PCDH15: variants seen among roughly 807,000 people sequenced by gnomAD.
PCDH15 encodes protocadherin related 15, also known as protocadherin-15.
PCDH15 carries 129 observed loss-of-function variants against 178.5 expected under a neutral mutation model. That is an observed-to-expected ratio of 0.72 (90% confidence interval 0.63 to 0.84). The LOEUF is 0.84. PCDH15 is among the 40% of genes least tolerant of loss of function. The probability of loss-of-function intolerance (pLI) is 0.00; values close to 1 mark genes in which losing one functional copy is unlikely to be tolerated. For synonymous variants in PCDH15, 800 were observed against 732.0 expected (o/e 1.09, Z -1.50); for missense variants, 2,230 against 2,099.9 (o/e 1.06, Z -1.21).
At chr10:54,502,975 G>A (rs932971988) in intron 3 of PCDH15, among the ~76,000 whole-genome samples, 1 of 151,600 alleles carries the variant, frequency 6.6e-6, no homozygotes, top group Admixed American at 6.6e-5. Flanking sequence ...TTCCCTTCAT[G>A]GGTTTATGCT....
chr10:54,439,650 T>C (rs2075672824), intron 3 of PCDH15, among the ~76,000 whole-genome samples: 1 of 152,098 alleles, frequency 6.6e-6, no homozygotes, highest in Non-Finnish European at 1.5e-5. Context: ...CTGTTCTTTA[T>C]TTTTCAATAA....
chr10:54,577,668 T>C (rs2090625707), intron 2 of PCDH15, among the ~76,000 whole-genome samples: 1 of 152,040 alleles, frequency 6.6e-6, no homozygotes, highest in Admixed American at 6.6e-5. Context: ...TAATAATTAA[T>C]TTACTGGTTA....
At chr10:54,035,357 C>T (rs1314891399) in intron 18 of PCDH15, among the ~76,000 whole-genome samples, 2 of 151,874 alleles carry the variant, frequency 1.3e-5, no homozygotes, top group African/African-American at 4.8e-5. Context: ...AGCGTGTGCT[C>T]ATTTCATGTC....
At chr10:54,264,942 C>T (rs2132363250) in intron 8 of PCDH15, among the ~76,000 whole-genome samples, 1 of 151,958 alleles carries the variant, frequency 6.6e-6, no homozygotes, top group South Asian at 2.1e-4. Context: ...ACAGCCATCC[C>T]CAAGACACAT....
intron 2 of PCDH15, chr10:54,606,961 A>G (rs910154083): frequency 3.3e-5 from 5 of 152,100 alleles, no homozygotes; most frequent in Non-Finnish European, 1.5e-5. Context: ...AGAATTCCCT[A>G]GAGTCATAAA....
intron 2 of PCDH15, among the ~76,000 whole-genome samples, chr10:54,988,312 C>T (rs1401811580): frequency 6.6e-6 from 1 of 152,070 alleles, no homozygotes; most frequent in Admixed American, 6.5e-5. Flanking sequence ...AGCATGATGC[C>T]TCCAGTAGAG....
intron 2 of PCDH15, among the ~76,000 whole-genome samples, chr10:55,442,250 G>T (rs1257759245): frequency 1.3e-5 from 2 of 151,610 alleles, no homozygotes; most frequent in Non-Finnish European, 2.9e-5. Context: ...TATACTGGCA[G>T]ATTTTTAAGA....
At chr10:54,331,385 G>T (rs557557148) in intron 6 of PCDH15, among the ~76,000 whole-genome samples, 129 of 151,748 alleles carry the variant, frequency 8.5e-4, no homozygotes, top group African/African-American at 2.9e-3. Context: ...CATGTAATGG[G>T]CCTTGCAAAT....
intron 1 of PCDH15, among the ~76,000 whole-genome samples, chr10:55,177,884 C>T (rs559713476): frequency 6.6e-6 from 1 of 152,138 alleles, no homozygotes; most frequent in Admixed American, 6.5e-5. Context: ...TTTTATAGAA[C>T]AAGAGATCCA....
chr10:54,383,996 T>C (rs1200754092), intron 3 of PCDH15, among the ~76,000 whole-genome samples: 2 of 3,546 alleles, frequency 5.6e-4, no homozygotes, highest in African/African-American at 1.0e-3. Context: ...TTTTTTTTTT[T>C]TTTTTTTTTT....
intron 2 of PCDH15, among the ~76,000 whole-genome samples, chr10:55,041,823 T>A (rs2131977859): frequency 6.6e-6 from 1 of 152,276 alleles, no homozygotes; most frequent in East Asian, 1.9e-4. Context: ...ATCATTTTTC[T>A]TTTTTTAACT....
chr10:55,480,021 T>C (rs1840144141), intron 2 of PCDH15, among the ~76,000 whole-genome samples: 1 of 131,290 alleles, frequency 7.6e-6, no homozygotes, highest in East Asian at 2.7e-4. Flanking sequence ...TAATAGTTTC[T>C]TCCAGTCTGT....
At chr10:54,068,681 G>C (rs11004036) in intron 17 of PCDH15, among the ~76,000 whole-genome samples, 32,257 of 152,024 alleles carry the variant, frequency 0.21, 3,624 homozygotes, top group Non-Finnish European at 0.25. Flanking sequence ...TAGAATACGG[G>C]TCACTTTGAA....
At chr10:54,571,849 C>A (rs537242368) in intron 2 of PCDH15, among the ~76,000 whole-genome samples, 2 of 152,204 alleles carry the variant, frequency 1.3e-5, no homozygotes, top group African/African-American at 4.8e-5. Flanking sequence ...TGTTCCAATT[C>A]TATACATCAA....
intron 3 of PCDH15, among the ~76,000 whole-genome samples, chr10:54,826,458 C>T (rs1345034000): frequency 6.6e-6 from 1 of 151,824 alleles, no homozygotes; most frequent in Non-Finnish European, 1.5e-5. Flanking sequence ...GAGATTAGCA[C>T]ACCCAACAGA....
At chr10:54,591,491 C>T (rs1346214663) in intron 2 of PCDH15, among the ~76,000 whole-genome samples, 3 of 152,084 alleles carry the variant, frequency 2.0e-5, no homozygotes, top group Non-Finnish European at 2.9e-5. Context: ...CAGAAAGTAG[C>T]ATTACCTTGC....
chr10:55,082,525 A>C (rs566242014), intron 2 of PCDH15, among the ~76,000 whole-genome samples: 5 of 151,622 alleles, frequency 3.3e-5, no homozygotes, highest in African/African-American at 1.2e-4. Flanking sequence ...AACCAAACCA[A>C]ACCCAAAATT....
chr10:54,988,224 G>A lies in PCDH15; in HGVS notation c.-79-90724C>T, dbSNP rs565615188. On this transcript the variant is annotated intron_variant, in intron 2 of 5. Transcript: ENST00000458638. ...TCTTTTCTGTTCCCTTGGTCTATATGTCTGTTTTGGTACTAGTACCACACT... is the reference window on the plus strand; with the variant it reads ...TCTTTTCTGTTCCCTTGGTCTATATATCTGTTTTGGTACTAGTACCACACT... Among the ~76,000 whole-genome samples, 4 of 152,226 alleles carry A rather than the reference G, an allele frequency of 2.6e-5. No individual in the cohort carries two copies. In the South Asian group the frequency reaches 8.3e-4, roughly 32 times the overall value.
chr10:53,892,348 C>A (rs567324690), intron 26 of PCDH15, among the ~76,000 whole-genome samples: 1 of 152,208 alleles, frequency 6.6e-6, no homozygotes, highest in East Asian at 1.9e-4. Flanking sequence ...AACATCCAAG[C>A]TTCCCTCATT....
Sources: gnomAD v4.1 joint callset for allele counts (sites outside exome capture counted in the v4.1 genomes callset) on GRCh38, gnomAD v4.1.1 for gene constraint, MANE v1.5 for transcripts, NCBI Gene and HGNC (gene_info 2026-07-23, HGNC 2026-07-21) for gene names.